CTNNA3: variants seen among roughly 807,000 people sequenced by gnomAD.
CTNNA3 encodes catenin alpha 3.
In CTNNA3, 76 loss-of-function variants were observed where a neutral mutation model predicts 95.7. The ratio of observed to expected loss-of-function variants is 0.79; its 90% confidence interval spans 0.66 to 0.96. The LOEUF (loss-of-function observed/expected upper bound fraction) is 0.96, where lower values mean the gene tolerates loss of function less well. CTNNA3 is among the 40% of genes least tolerant of loss of function. CTNNA3 has a pLI of 0.00. For synonymous variants in CTNNA3, 431 were observed against 374.4 expected (o/e 1.15, Z -1.74); for missense variants, 1,191 against 1,089.8 (o/e 1.09, Z -1.31).
At chr10:66,132,796 G>A (rs1330072831) in intron 13 of CTNNA3, among the ~76,000 whole-genome samples, 3 of 152,054 alleles carry the variant, frequency 2.0e-5, no homozygotes, top group African/African-American at 7.2e-5. Context: ...ACTAATGCAG[G>A]AACCAAAAAC....
intron 17 of CTNNA3, among the ~76,000 whole-genome samples, chr10:65,926,220 T>C (rs1051291723): frequency 9.9e-5 from 15 of 151,554 alleles, no homozygotes; most frequent in Non-Finnish European, 2.1e-4. Flanking sequence ...TCACAGTTTA[T>C]CCATTCTACT....
At chr10:66,581,696 T>A (rs10997248) in intron 10 of CTNNA3, among the ~76,000 whole-genome samples, 11,006 of 151,610 alleles carry the variant, frequency 0.073, 729 homozygotes, top group East Asian at 0.35. Context: ...CTTTTAGGGG[T>A]CTTAGTTATA....
intron 5 of CTNNA3, among the ~76,000 whole-genome samples, chr10:67,406,205 T>C (rs1173177693): frequency 6.6e-6 from 1 of 152,214 alleles, no homozygotes; most frequent in Non-Finnish European, 1.5e-5. Context: ...CATGTGGAAC[T>C]GTGAGTCAAT....
At chr10:66,415,019 G>A (rs1268638922) in intron 11 of CTNNA3, among the ~76,000 whole-genome samples, 3 of 152,092 alleles carry the variant, frequency 2.0e-5, no homozygotes, top group Non-Finnish European at 2.9e-5. Flanking sequence ...CTCCCCACCT[G>A]CTGTCCTAGG....
intron 10 of CTNNA3, among the ~76,000 whole-genome samples, chr10:66,547,917 ATT>A (rs762970605): frequency 1.4e-5 from 2 of 140,794 alleles, no homozygotes; most frequent in African/African-American, 2.6e-5. Flanking sequence ...TTAGTATCTG[ATT>A]TTTTTTTTTT....
intron 10 of CTNNA3, among the ~76,000 whole-genome samples, chr10:66,571,270 C>A (rs1353227118): frequency 1.3e-5 from 2 of 152,126 alleles, no homozygotes; most frequent in Admixed American, 6.5e-5. Context: ...TATTATCATG[C>A]CTGCTAGACC....
intron 13 of CTNNA3, among the ~76,000 whole-genome samples, chr10:66,263,996 A>G (rs2091082520): frequency 6.6e-6 from 1 of 151,838 alleles, no homozygotes; most frequent in African/African-American, 2.4e-5. Context: ...CCTCTTCAAC[A>G]TGAATTCTAA....
chr10:66,298,559 A>G (rs1450364811), intron 12 of CTNNA3, among the ~76,000 whole-genome samples: 8 of 152,134 alleles, frequency 5.3e-5, no homozygotes, highest in Non-Finnish European at 1.2e-4. Flanking sequence ...CCCAGTATCC[A>G]TCACCCTTTC....
chr10:67,122,620 C>T (rs1297044880), intron 7 of CTNNA3, among the ~76,000 whole-genome samples: 1 of 152,010 alleles, frequency 6.6e-6, no homozygotes, highest in Non-Finnish European at 1.5e-5. Context: ...TGCTGCATAT[C>T]AAAACAAAGG....
At chr10:66,844,096 T>G (rs12355415) in intron 7 of CTNNA3, among the ~76,000 whole-genome samples, 40,772 of 152,124 alleles carry the variant, frequency 0.27, 6,508 homozygotes, top group Non-Finnish European at 0.38. Context: ...AGTACTACTG[T>G]TTGAATTTAG....
intron 13 of CTNNA3, among the ~76,000 whole-genome samples, chr10:66,189,600 T>TTATATATATATATATATATATA (rs539638553): frequency 0.018 from 1,618 of 88,442 alleles, 58 homozygotes; most frequent in African/African-American, 0.052. Context: ...TACTATAGAT[T>TTATATATATATATATATATATA]TATATATATA....
At chr10:66,357,117 CTGAAA>C (rs1313082750) in intron 12 of CTNNA3, among the ~76,000 whole-genome samples, 2 of 152,012 alleles carry the variant, frequency 1.3e-5, no homozygotes, top group Non-Finnish European at 2.9e-5. Context: ...TACTGGCCTA[CTGAAA>C]TAAGTTTAGA....
chr10:67,121,981 C>CAAAAAAAAAAA (rs370358378), intron 7 of CTNNA3, among the ~76,000 whole-genome samples: 2 of 47,148 alleles, frequency 4.2e-5, no homozygotes, highest in Admixed American at 2.7e-4. Context: ...TTATTCTGAG[C>CAAAAAAAAAAA]AAAAAAAAAA....
chr10:67,577,819 C>G (rs1228438535), intron 3 of CTNNA3, among the ~76,000 whole-genome samples: 1 of 151,192 alleles, frequency 6.6e-6, no homozygotes, highest in East Asian at 1.9e-4. Flanking sequence ...AATAAACATA[C>G]AAGTGAAGGT....
intron 5 of CTNNA3, among the ~76,000 whole-genome samples, chr10:67,296,418 T>C (rs1256217882): frequency 6.6e-6 from 1 of 152,200 alleles, no homozygotes; most frequent in African/African-American, 2.4e-5. Flanking sequence ...AAAGGTCTGT[T>C]AATTGAAGGT....
intron 7 of CTNNA3, among the ~76,000 whole-genome samples, chr10:67,021,770 T>C (rs1187234422): frequency 6.6e-6 from 1 of 152,188 alleles, no homozygotes; most frequent in Non-Finnish European, 1.5e-5. Context: ...ATAAGTAATT[T>C]AAAGCATTAA....
chr10:67,360,966 T>C (rs914772451), intron 5 of CTNNA3, among the ~76,000 whole-genome samples: 2 of 151,794 alleles, frequency 1.3e-5, no homozygotes, highest in East Asian at 1.9e-4. Context: ...AGAGCAGTGA[T>C]TGATATTCTT....
At chr10:67,030,638 T>C (rs755735684) in intron 7 of CTNNA3, among the ~76,000 whole-genome samples, 1 of 152,162 alleles carries the variant, frequency 6.6e-6, no homozygotes, top group Non-Finnish European at 1.5e-5. Context: ...ATCAATATAT[T>C]TGTTTATCAC....
chr10:67,067,754 C>T (rs929728602), intron 7 of CTNNA3, among the ~76,000 whole-genome samples: 2 of 152,166 alleles, frequency 1.3e-5, no homozygotes, highest in Non-Finnish European at 2.9e-5. Context: ...TTTATGCAGT[C>T]ATTCATTCAT....
Sources: gnomAD v4.1 joint callset for allele counts (sites outside exome capture counted in the v4.1 genomes callset) on GRCh38, gnomAD v4.1.1 for gene constraint, MANE v1.5 for transcripts, NCBI Gene and HGNC (gene_info 2026-07-23, HGNC 2026-07-21) for gene names.